The following CSGALNACT1 variants were observed in gnomAD, a reference collection of about 807,000 sequenced individuals.
The protein encoded by CSGALNACT1 is beta4GalNAcT-1.
In CSGALNACT1, 52 loss-of-function variants were observed where a neutral mutation model predicts 51.0. The observed-to-expected ratio is 1.02, with a 90% confidence interval of 0.82 to 1.29. CSGALNACT1 has a LOEUF of 1.29. CSGALNACT1 is among the 50% of genes most tolerant of loss of function. CSGALNACT1 has a pLI of 0.00. For synonymous variants in CSGALNACT1, 341 were observed against 254.4 expected, an observed-to-expected ratio of 1.34 and a Z score of -3.24; for missense variants, 935 against 679.2, an observed-to-expected ratio of 1.38 and a Z score of -4.19.
At chr8:19,573,117 G>T (rs2043374617) in intron 3 of CSGALNACT1, among the ~76,000 whole-genome samples, 1 of 152,156 alleles carries the variant, frequency 6.6e-6, no homozygotes, top group South Asian at 2.1e-4. Flanking sequence ...CATGGCGGTA[G>T]CATTCGGAGG....
intron 1 of CSGALNACT1, among the ~76,000 whole-genome samples, chr8:19,634,932 C>T (rs2055820488): frequency 6.6e-6 from 1 of 152,200 alleles, no homozygotes; most frequent in Non-Finnish European, 1.5e-5. Context: ...ATGATGATAA[C>T]ACTTTAAAAG....
intron 1 of CSGALNACT1, among the ~76,000 whole-genome samples, chr8:19,735,934 T>G (rs1002333886): frequency 6.6e-6 from 1 of 152,246 alleles, no homozygotes; most frequent in South Asian, 2.1e-4. Flanking sequence ...CTTCTTTTTA[T>G]ACAATCAATT....
At chr8:19,418,151 G>A (rs1300447539) in intron 8 of CSGALNACT1, among the ~76,000 whole-genome samples, 3 of 152,154 alleles carry the variant, frequency 2.0e-5, no homozygotes, top group Non-Finnish European at 4.4e-5. Flanking sequence ...GTGGCATGAT[G>A]GGAAGGGAAC....
chr8:19,631,917 C>T (rs1052125128), intron 1 of CSGALNACT1, among the ~76,000 whole-genome samples: 2 of 152,096 alleles, frequency 1.3e-5, no homozygotes, highest in African/African-American at 4.8e-5. Flanking sequence ...TATAGCTTAT[C>T]CAGATGTTCT....
chr8:19,418,950 G>C (rs2057407880), intron 7 of CSGALNACT1, among the ~76,000 whole-genome samples, 200 bp from the exon 7 acceptor site: 1 of 152,090 alleles, frequency 6.6e-6, no homozygotes, highest in African/African-American at 2.4e-5. Context: ...GGGTTCAAGT[G>C]ATTCTACTGC....
chr8:19,423,443 A>T (rs148928943), intron 6 of CSGALNACT1, among the ~76,000 whole-genome samples: 3 of 152,148 alleles, frequency 2.0e-5, no homozygotes, highest in African/African-American at 7.2e-5. Flanking sequence ...GGTGGTGTGC[A>T]TGCTTACCTA....
chr8:19,506,908 A>T (rs890647841), intron 3 of CSGALNACT1, among the ~76,000 whole-genome samples: 3 of 152,200 alleles, frequency 2.0e-5, no homozygotes, highest in Non-Finnish European at 4.4e-5. Context: ...ACGCAGCTTC[A>T]GGTATTCCTT....
intron 6 of CSGALNACT1, among the ~76,000 whole-genome samples, chr8:19,435,758 A>C (rs1020149095): frequency 2.0e-5 from 3 of 152,220 alleles, no homozygotes; most frequent in African/African-American, 7.2e-5. Flanking sequence ...TGAAGCTTGG[A>C]AAAATCTACA....
At chr8:19,489,622 A>G (rs1345923666) in intron 4 of CSGALNACT1, among the ~76,000 whole-genome samples, 1 of 152,210 alleles carries the variant, frequency 6.6e-6, no homozygotes, top group African/African-American at 2.4e-5. Flanking sequence ...ATTTAAGTCT[A>G]GGGGGAGACC....
chr8:19,443,331 ACT>A (rs1289595535), intron 5 of CSGALNACT1, among the ~76,000 whole-genome samples: 2 of 152,176 alleles, frequency 1.3e-5, no homozygotes, highest in Non-Finnish European at 2.9e-5. Context: ...TGCGTAAATC[ACT>A]GTTTATGTAC....
At chr8:19,595,997 G>A (rs919295230) in intron 2 of CSGALNACT1, among the ~76,000 whole-genome samples, 10 of 151,596 alleles carry the variant, frequency 6.6e-5, no homozygotes, top group African/African-American at 2.2e-4. Context: ...CCAAGTGGCT[G>A]TGACTACAGG....
intron 3 of CSGALNACT1, among the ~76,000 whole-genome samples, chr8:19,570,042 C>T (rs957052927): frequency 1.5e-4 from 22 of 151,310 alleles, no homozygotes; most frequent in Middle Eastern, 3.5e-3. Context: ...AATAGTGGCA[C>T]GCTTTGGGGC....
chr8:19,741,677 T>A (rs1211199107), intron 1 of CSGALNACT1, among the ~76,000 whole-genome samples: 3 of 152,166 alleles, frequency 2.0e-5, no homozygotes, highest in Admixed American at 1.3e-4. Context: ...AATAAAGGCT[T>A]CTGAATTCTT....
At chr8:19,610,063 A>G (rs1025386191) in intron 1 of CSGALNACT1, among the ~76,000 whole-genome samples, 1 of 151,888 alleles carries the variant, frequency 6.6e-6, no homozygotes, top group Admixed American at 6.6e-5. Flanking sequence ...CTCTACTAAA[A>G]ATACAAAAGT....
At chr8:19,472,242 T>G (rs2068363629) in intron 4 of CSGALNACT1, among the ~76,000 whole-genome samples, 1 of 152,232 alleles carries the variant, frequency 6.6e-6, no homozygotes, top group African/African-American at 2.4e-5. Context: ...GGACTTCCTC[T>G]GCAAACACAT....
intron 1 of CSGALNACT1, among the ~76,000 whole-genome samples, chr8:19,735,037 G>C (rs2063894424): frequency 6.6e-6 from 1 of 152,040 alleles, no homozygotes; most frequent in South Asian, 2.1e-4. Flanking sequence ...GAAGGGACAA[G>C]GGGCAATGTC....
intron 4 of CSGALNACT1, among the ~76,000 whole-genome samples, chr8:19,491,665 T>C (rs1049577602): frequency 2.6e-5 from 4 of 152,240 alleles, no homozygotes; most frequent in East Asian, 1.9e-4. Context: ...TTTCATGATG[T>C]TTGCTTGGGT....
intron 1 of CSGALNACT1, among the ~76,000 whole-genome samples, chr8:19,611,827 G>A (rs1464662017): frequency 6.6e-6 from 1 of 151,990 alleles, no homozygotes; most frequent in Non-Finnish European, 1.5e-5. Flanking sequence ...GGAATTATGG[G>A]AGGAAAAAAA....
chr8:19,468,819 T>C (rs1226733336), intron 4 of CSGALNACT1, among the ~76,000 whole-genome samples: 2 of 152,124 alleles, frequency 1.3e-5, no homozygotes, highest in Non-Finnish European at 2.9e-5. Context: ...GACATACAGA[T>C]TTAGACATCC....
Sources: gnomAD v4.1 joint callset for allele counts (sites outside exome capture counted in the v4.1 genomes callset) on GRCh38, gnomAD v4.1.1 for gene constraint, MANE v1.5 for transcripts, NCBI Gene and HGNC (gene_info 2026-07-23, HGNC 2026-07-21) for gene names.